The following DAAM1 variants were observed in gnomAD, a reference collection of about 807,000 sequenced individuals.
The protein encoded by DAAM1 is dishevelled associated activator of morphogenesis 1.
DAAM1 carries 52 observed loss-of-function variants against 130.0 expected under a neutral mutation model. The observed-to-expected ratio is 0.40, with a 90% CI of 0.32 to 0.50. The LOEUF (loss-of-function observed/expected upper bound fraction) is 0.50, where lower values mean the gene tolerates loss of function less well. DAAM1 is among the 20% of genes least tolerant of loss of function. The pLI is 0.61. For missense variants in DAAM1, 1,134 were observed against 1,303.8 expected (o/e 0.87, Z 2.01); for synonymous variants, 452 against 444.5 (o/e 1.02, Z -0.21).
chr14:59,283,849 A>G (rs1261002935), intron 2 of DAAM1, among the ~76,000 whole-genome samples: 1 of 152,208 alleles, frequency 6.6e-6, no homozygotes, highest in Admixed American at 6.6e-5. Context: ...TATAAATGGA[A>G]GACATCAAAG....
intron 3 of DAAM1, among the ~76,000 whole-genome samples, chr14:59,297,166 G>C (rs1027492100): frequency 6.6e-6 from 1 of 152,198 alleles, no homozygotes; most frequent in Non-Finnish European, 1.5e-5. Flanking sequence ...TTCTAGGACT[G>C]AAGGGCTAAC....
intron 2 of DAAM1, among the ~76,000 whole-genome samples, chr14:59,286,564 T>C (rs1239229184): frequency 6.6e-6 from 1 of 151,562 alleles, no homozygotes; most frequent in East Asian, 1.9e-4. Flanking sequence ...GCAGAGAAAA[T>C]CTAAATAAAC....
At chr14:59,245,059 G>C (rs942413389) in intron 1 of DAAM1, among the ~76,000 whole-genome samples, 6 of 152,128 alleles carry the variant, frequency 3.9e-5, no homozygotes, top group African/African-American at 1.4e-4. Context: ...AAGGACGGGG[G>C]GGCCAGGGGA....
intron 1 of DAAM1, among the ~76,000 whole-genome samples, chr14:59,213,586 A>G (rs1594760326): frequency 6.6e-6 from 1 of 152,256 alleles, no homozygotes; most frequent in East Asian, 1.9e-4. Context: ...TGCAGCACAT[A>G]CTTATATGGA....
At chr14:59,267,137 C>T (rs951658612) in intron 2 of DAAM1, among the ~76,000 whole-genome samples, 15 of 152,162 alleles carry the variant, frequency 9.9e-5, no homozygotes, top group Admixed American at 4.6e-4. Context: ...CTGGTGTGAG[C>T]GGGCCAATGT....
chr14:59,220,727 T>C (rs969615049), intron 1 of DAAM1, among the ~76,000 whole-genome samples: 2 of 152,166 alleles, frequency 1.3e-5, no homozygotes, highest in Non-Finnish European at 1.5e-5. Flanking sequence ...GATGACTTAC[T>C]GCTGGTGTGA....
intron 4 of DAAM1, among the ~76,000 whole-genome samples, chr14:59,319,491 A>G (rs1048012620): frequency 6.6e-6 from 1 of 152,168 alleles, no homozygotes; most frequent in African/African-American, 2.4e-5. Context: ...TTCTTTTTCA[A>G]TACAGTCACC....
intron 15 of DAAM1, among the ~76,000 whole-genome samples, chr14:59,332,860 A>G (rs192718204): frequency 1.3e-5 from 2 of 152,310 alleles, no homozygotes; most frequent in Non-Finnish European, 2.9e-5. Context: ...CTAAACAGGA[A>G]CACACGAATG....
chr14:59,197,314 G>C (rs1012674479), intron 1 of DAAM1, among the ~76,000 whole-genome samples: 2 of 152,184 alleles, frequency 1.3e-5, no homozygotes, highest in African/African-American at 4.8e-5. Flanking sequence ...ATTTCTGTTT[G>C]GTTTCCCCAT....
At chr14:59,363,287 T>G (rs187549516) in intron 22 of DAAM1, 4 of 177,874 alleles carry the variant, frequency 2.2e-5, no homozygotes, top group Admixed American at 1.7e-4. Flanking sequence ...ACAAGCAGAG[T>G]CTCTTGTTTT....
At chr14:59,348,931 A>G (rs1886183290) in intron 17 of DAAM1, among the ~76,000 whole-genome samples, 1 of 152,192 alleles carries the variant, frequency 6.6e-6, no homozygotes. Flanking sequence ...GCTGTCCTTT[A>G]AAGGTTTTAT....
chr14:59,246,623 C>A (rs536437239), intron 1 of DAAM1, among the ~76,000 whole-genome samples: 2 of 152,268 alleles, frequency 1.3e-5, no homozygotes, highest in African/African-American at 4.8e-5. Flanking sequence ...TGAGAAACCA[C>A]CATACTGTTT....
chr14:59,330,468 C>T (rs1325221654), intron 12 of DAAM1, 33 bp from the exon 13 acceptor site: 2 of 1,538,334 alleles, frequency 1.3e-6, no homozygotes, highest in Non-Finnish European at 8.7e-7. Context: ...TGAAGACTCT[C>T]CTGTTTTCAT....
At chr14:59,235,500 C>T (rs937284497) in intron 1 of DAAM1, among the ~76,000 whole-genome samples, 4 of 152,078 alleles carry the variant, frequency 2.6e-5, no homozygotes, top group Admixed American at 2.6e-4. Context: ...TCCCCTTTAT[C>T]ATTTTTTATT....
intron 1 of DAAM1, among the ~76,000 whole-genome samples, chr14:59,232,712 G>T (rs1369668585): frequency 1.3e-5 from 2 of 151,242 alleles, no homozygotes; most frequent in Non-Finnish European, 2.9e-5. Context: ...GTGCCATGGT[G>T]GTTTGCTGCA....
chr14:59,295,143 G>C (rs1883905972), intron 3 of DAAM1, among the ~76,000 whole-genome samples: 2 of 152,180 alleles, frequency 1.3e-5, no homozygotes, highest in Admixed American at 1.3e-4. Flanking sequence ...ATCAGGATTT[G>C]ATGATTGTGC....
chr14:59,261,575 G>A (rs1882158156), intron 1 of DAAM1, among the ~76,000 whole-genome samples: 1 of 152,192 alleles, frequency 6.6e-6, no homozygotes, highest in South Asian at 2.1e-4. Flanking sequence ...CTCTGTGATA[G>A]ACACCCTGCT....
rs10145402 is a variant in DAAM1 at position 59,329,782 on chromosome 14, A to G, written c.1373-719A>G. ...TATAGCAGGATTGAGGAAGTCAGTA[A>G]AACTACAGCTAAGAGTCAATATTTT... On this transcript the variant is annotated intron_variant, in intron 12 of 24. Transcript: ENST00000360909. 2.4e-3 allele frequency among the ~76,000 whole-genome samples: 365 copies of G among 152,328 alleles called. 1 individual carries two copies. Among genetic ancestry groups the G allele is most frequent in the African/African-American group, 8.3e-3 (345 of 41,566 alleles).
Position 59,355,321 on chromosome 14 carries a change from C to G in DAAM1, c.2513C>G (p.Ser838Cys). 6.2e-7 allele frequency: 1 copy of G among 1,613,940 alleles called. No homozygotes were observed. Among genetic ancestry groups the G allele is most frequent in the South Asian group, 1.1e-5 (1 of 91,032 alleles). The change falls in exon 20 of 25, where the codon TCC becomes TGC. Residue 838 changes from serine to cysteine, a missense_variant. Physicochemically the swap from Ser to Cys is moderately radical, Grantham distance 112. This residue lies in a region of DAAM1 where 644 missense variants were observed against 695.9 expected (regional missense o/e 0.93). Coordinates refer to ENST00000360909, the MANE Select transcript of DAAM1 (RefSeq NM_001270520.2). ...CTAAACAAAATTGCTGACACAAAAT[C>G]CAGCATCGACAAGTAAGTATGAGAT... is the stretch of plus-strand genomic sequence containing the variant. ...SSLNKIADTK[S>C]SIDKNITLLH...
Sources: allele counts gnomAD v4.1 joint callset (sites outside exome capture counted in the v4.1 genomes callset), GRCh38; gene constraint gnomAD v4.1.1; regional missense constraint gnomAD v4.1.1; transcripts MANE v1.5; gene names NCBI Gene and HGNC (gene_info 2026-07-23, HGNC 2026-07-21).